MBNL1: variants seen among roughly 807,000 people sequenced by gnomAD.
The protein encoded by MBNL1 is muscleblind-like protein 1.
A neutral mutation model predicts 42.2 loss-of-function variants in MBNL1; 8 were observed. The observed-to-expected ratio is 0.19, with a 90% confidence interval of 0.11 to 0.34. The LOEUF is 0.34. Ranked by LOEUF, MBNL1 falls within the 10% of genes least tolerant of loss-of-function variation. The pLI is 1.00. For missense variants in MBNL1, 309 were observed against 495.3 expected (o/e 0.62, Z 3.57); for synonymous variants, 169 against 173.9 (o/e 0.97, Z 0.22).
chr3:152,451,234 G>C (rs193205266), intron 6 of MBNL1, among the ~76,000 whole-genome samples: 1 of 152,108 alleles, frequency 6.6e-6, no homozygotes, highest in Admixed American at 6.5e-5. Context: ...AGGTGGCTGC[G>C]TATAGAGTAG....
chr3:152,301,408 A>G (rs2060671887), intron 2 of MBNL1, among the ~76,000 whole-genome samples: 1 of 152,216 alleles, frequency 6.6e-6, no homozygotes, highest in Non-Finnish European at 1.5e-5. Flanking sequence ...GTAGAGAAGT[A>G]AAAGTCTCAT....
chr3:152,247,660 T>C (rs919258373), intron 2 of MBNL1, among the ~76,000 whole-genome samples: 2 of 152,068 alleles, frequency 1.3e-5, no homozygotes, highest in Non-Finnish European at 2.9e-5. Flanking sequence ...ACATCATTGA[T>C]GCTTTTTATC....
chr3:152,408,470 G>A (rs1034422984), intron 2 of MBNL1, among the ~76,000 whole-genome samples: 1 of 152,032 alleles, frequency 6.6e-6, no homozygotes, highest in African/African-American at 2.4e-5. Context: ...TATATCCTAA[G>A]TTTTGAATTT....
chr3:152,272,039 TTCTCTCTCTC>T (rs139763690), intron 1 of MBNL1, among the ~76,000 whole-genome samples: 24 of 147,796 alleles, frequency 1.6e-4, no homozygotes, highest in African/African-American at 2.5e-4. Context: ...CCTGTTTCTT[TTCTCTCTCTC>T]TCTCTCTCTC....
rs115026549 is a variant in MBNL1 at position 152,399,608 on chromosome 3, G to T, written c.175-15333G>T. 9.7e-3 allele frequency among the ~76,000 whole-genome samples: 1,474 copies of T among 151,920 alleles called. 22 individuals are homozygous for T. The highest frequency in any genetic ancestry group is 0.033 in the African/African-American group (1,375 of 41,420). On this transcript the variant is annotated intron_variant, in intron 2 of 9. Transcript: ENST00000324210. ...ACTCACTGCAGCCTCAACTTCTTGG[G>T]CTTAAGCAATTCTCCCAAGTAGCTG...
At chr3:152,364,317 G>GTT (rs2096218432) in intron 2 of MBNL1, among the ~76,000 whole-genome samples, 1 of 151,998 alleles carries the variant, frequency 6.6e-6, no homozygotes, top group Non-Finnish European at 1.5e-5. Context: ...ATAACTTTGT[G>GTT]TTTTTGTTAT....
At chr3:152,386,950 G>A (rs1375878457) in intron 2 of MBNL1, among the ~76,000 whole-genome samples, 1 of 152,050 alleles carries the variant, frequency 6.6e-6, no homozygotes. Flanking sequence ...GCAGAATGTT[G>A]AAGCAGGTAT....
At chr3:152,454,548 GT>G (rs1729929430) in intron 6 of MBNL1, among the ~76,000 whole-genome samples, 1 of 152,120 alleles carries the variant, frequency 6.6e-6, no homozygotes, top group Non-Finnish European at 1.5e-5. Context: ...GGTAAAATAA[GT>G]TAAATTTTCA....
intron 2 of MBNL1, chr3:152,335,081 C>T: frequency 7.9e-7 from 1 of 1,261,340 alleles, no homozygotes; most frequent in East Asian, 5.6e-5. Context: ...AGTGGCTGAC[C>T]TGGCATATCC....
At chr3:152,297,135 A>G (rs571857765) in intron 1 of MBNL1, among the ~76,000 whole-genome samples, 1 of 152,284 alleles carries the variant, frequency 6.6e-6, no homozygotes, top group South Asian at 2.1e-4. Context: ...AGAAGGAGTA[A>G]AGACATTGTT....
At chr3:152,334,301 G>C (rs2087742371) in intron 2 of MBNL1, among the ~76,000 whole-genome samples, 1 of 152,070 alleles carries the variant, frequency 6.6e-6, no homozygotes, top group South Asian at 2.1e-4. Flanking sequence ...ATCCTTTGTT[G>C]AGATATTTAA....
Position 152,318,080 on chromosome 3 carries a change from A to G in MBNL1, c.174+17713A>G, listed in dbSNP as rs923449158. On this transcript the variant is annotated intron_variant, in intron 2 of 9. Coordinates refer to ENST00000324210, the MANE Select transcript of MBNL1 (RefSeq NM_021038.5). ...AGGATACAGAGAAAATTGATGGTCA[A>G]CCTTAGCCTGTAGTATATTTTGACA... is the stretch of plus-strand genomic sequence containing the variant. 4.6e-5 allele frequency among the ~76,000 whole-genome samples: 7 copies of G among 152,222 alleles called. No homozygotes were observed. The East Asian group carries it at 7.7e-4, about 17-fold the overall frequency.
At chr3:152,301,029 C>T (rs2151533540) in intron 2 of MBNL1, 1 of 486,864 alleles carries the variant, frequency 2.1e-6, no homozygotes, top group East Asian at 1.5e-4. Flanking sequence ...TGGATTTTTC[C>T]AGCTTCAAAA....
intron 2 of MBNL1, among the ~76,000 whole-genome samples, chr3:152,399,694 G>C (rs1169851604): frequency 1.3e-5 from 2 of 151,662 alleles, no homozygotes; most frequent in Non-Finnish European, 2.9e-5. Flanking sequence ...GTAGACACAG[G>C]GTCTCACTAT....
At chr3:152,366,275 T>C (rs1368716254) in intron 2 of MBNL1, among the ~76,000 whole-genome samples, 2 of 152,180 alleles carry the variant, frequency 1.3e-5, no homozygotes, top group East Asian at 3.8e-4. Flanking sequence ...CTTATTCTGA[T>C]GTTAAAGGCC....
chr3:152,337,170 T>G (rs545307899), intron 2 of MBNL1, among the ~76,000 whole-genome samples: 11 of 152,188 alleles, frequency 7.2e-5, no homozygotes, highest in Non-Finnish European at 1.5e-4. Context: ...TAATATTCAG[T>G]GGGCTCCTTA....
At chr3:152,449,961 C>T (rs1216629863) in intron 6 of MBNL1, among the ~76,000 whole-genome samples, 1 of 151,798 alleles carries the variant, frequency 6.6e-6, no homozygotes, top group Non-Finnish European at 1.5e-5. Context: ...AAAAATTAGC[C>T]GGATGTGGTG....
intron 2 of MBNL1, among the ~76,000 whole-genome samples, chr3:152,403,528 T>C (rs1259038696): frequency 6.6e-6 from 1 of 152,314 alleles, no homozygotes; most frequent in East Asian, 1.9e-4. Flanking sequence ...ATACTGTATA[T>C]GAAATGATTC....
intron 2 of MBNL1, among the ~76,000 whole-genome samples, chr3:152,357,620 A>G (rs2095622642): frequency 6.6e-6 from 1 of 152,114 alleles, no homozygotes. Context: ...TTGGGAAAGT[A>G]GAGTGGAGCA....
Sources: allele counts gnomAD v4.1 joint callset (sites outside exome capture counted in the v4.1 genomes callset), GRCh38; gene constraint gnomAD v4.1.1; transcripts MANE v1.5; gene names NCBI Gene and HGNC (gene_info 2026-07-23, HGNC 2026-07-21).